The following NTN1 variants were observed in gnomAD, a reference collection of about 807,000 sequenced individuals.
NTN1 encodes the protein netrin 1, also known as netrin-1.
Under a neutral mutation model 54.2 loss-of-function variants are expected in NTN1, and 11 were observed. The observed-to-expected ratio is 0.20, with a 90% CI of 0.13 to 0.34. NTN1 has a LOEUF of 0.34. Ranked by LOEUF, NTN1 falls within the 10% of genes least tolerant of loss-of-function variation. The probability of loss-of-function intolerance (pLI) is 1.00; values close to 1 mark genes in which losing one functional copy is unlikely to be tolerated. For missense variants in NTN1, 740 were observed against 893.1 expected (o/e 0.83, Z 2.18); for synonymous variants, 371 against 382.0 (o/e 0.97, Z 0.33).
chr17:9,112,647 A>C (rs553596223), intron 2 of NTN1, among the ~76,000 whole-genome samples: 2 of 151,262 alleles, frequency 1.3e-5, no homozygotes, highest in Admixed American at 6.6e-5. Flanking sequence ...AACATGGTGA[A>C]ACCCCGTCTT....
chr17:9,071,576 A>G (rs1182187473), intron 2 of NTN1, among the ~76,000 whole-genome samples: 1 of 152,190 alleles, frequency 6.6e-6, no homozygotes, highest in Admixed American at 6.5e-5. Flanking sequence ...TGCCTGGTGG[A>G]AGCCAAAGGA....
intron 2 of NTN1, among the ~76,000 whole-genome samples, chr17:9,100,184 G>A (rs199513525): frequency 2.9e-5 from 1 of 35,020 alleles, no homozygotes; most frequent in Non-Finnish European, 5.8e-5. Flanking sequence ...GTGTATATGT[G>A]TGTATATATA....
At chr17:9,084,385 G>A (rs555240102) in intron 2 of NTN1, among the ~76,000 whole-genome samples, 1 of 152,334 alleles carries the variant, frequency 6.6e-6, no homozygotes, top group South Asian at 2.1e-4. Context: ...TAGTCATTGT[G>A]TGGGAGGGAA....
chr17:9,225,165 G>A (rs561384122), intron 6 of NTN1, among the ~76,000 whole-genome samples: 20 of 152,228 alleles, frequency 1.3e-4, no homozygotes, highest in African/African-American at 4.8e-4. Context: ...TGAGGCAGGA[G>A]AATTGTTTGA....
chr17:9,226,946 C>T (rs541018238), intron 6 of NTN1, among the ~76,000 whole-genome samples: 1 of 152,216 alleles, frequency 6.6e-6, no homozygotes, highest in South Asian at 2.1e-4. Flanking sequence ...AGCATCCCAG[C>T]CCCGCCCCCC....
chr17:9,158,248 G>A (rs920820903), intron 2 of NTN1, among the ~76,000 whole-genome samples: 4 of 152,178 alleles, frequency 2.6e-5, no homozygotes, highest in Admixed American at 6.5e-5. Context: ...TTTTGTTGGC[G>A]TAAGGTGCAT....
At chr17:9,119,006 A>G (rs1239455351) in intron 2 of NTN1, among the ~76,000 whole-genome samples, 1 of 152,184 alleles carries the variant, frequency 6.6e-6, no homozygotes, top group African/African-American at 2.4e-5. Flanking sequence ...GTATATGCCT[A>G]GAAGTGGAAT....
chr17:9,144,521 G>A (rs1408979954), intron 2 of NTN1, among the ~76,000 whole-genome samples: 1 of 152,198 alleles, frequency 6.6e-6, no homozygotes, highest in East Asian at 1.9e-4. Context: ...CCTCCAAGTT[G>A]TACTGAAGTT....
chr17:9,151,762 A>C (rs1377843342), intron 2 of NTN1, among the ~76,000 whole-genome samples: 3 of 152,144 alleles, frequency 2.0e-5, no homozygotes, highest in Non-Finnish European at 4.4e-5. Flanking sequence ...AGCCAGCTGG[A>C]CTTCCTGGGT....
intron 2 of NTN1, among the ~76,000 whole-genome samples, chr17:9,162,163 C>T (rs550068507): frequency 6.6e-6 from 1 of 152,140 alleles, no homozygotes; most frequent in African/African-American, 2.4e-5. Context: ...GTGGGAAGAA[C>T]GATGGTGTGC....
chr17:9,230,254 A>AG (rs1426056259), intron 6 of NTN1, among the ~76,000 whole-genome samples: 1 of 152,104 alleles, frequency 6.6e-6, no homozygotes, highest in Non-Finnish European at 1.5e-5. Context: ...CCCCAAGGTC[A>AG]GGGCCCCTGC....
At chr17:9,124,479 C>T (rs2092240074) in intron 2 of NTN1, among the ~76,000 whole-genome samples, 1 of 152,210 alleles carries the variant, frequency 6.6e-6, no homozygotes, top group Admixed American at 6.5e-5. Flanking sequence ...AGATGCTTGG[C>T]CACACCTTGT....
At chr17:9,006,979 G>A in the NTN1 span, among the ~76,000 whole-genome samples, 1 of 152,210 alleles carries the variant, frequency 6.6e-6, no homozygotes, top group Admixed American at 6.5e-5. Flanking sequence ...GCCTCACCAA[G>A]CCCCCTGGCC....
intron 4 of NTN1, among the ~76,000 whole-genome samples, chr17:9,182,326 C>T (rs1042732741): frequency 7.2e-5 from 11 of 152,242 alleles, no homozygotes; most frequent in Non-Finnish European, 1.5e-4. Context: ...CGATCACATG[C>T]TTTTATGAGG....
intron 5 of NTN1, among the ~76,000 whole-genome samples, chr17:9,199,897 G>A (rs543791087): frequency 6.6e-6 from 1 of 152,330 alleles, no homozygotes; most frequent in African/African-American, 2.4e-5. Context: ...GGTGAGCTTT[G>A]AGGAGCTTTG....
At chr17:9,054,375 C>T (rs561585006) in intron 2 of NTN1, among the ~76,000 whole-genome samples, 2 of 152,222 alleles carry the variant, frequency 1.3e-5, no homozygotes, top group African/African-American at 2.4e-5. Context: ...CTGCCCAGGT[C>T]GGCCCGACCT....
intron 2 of NTN1, among the ~76,000 whole-genome samples, chr17:9,080,951 T>A (rs1395131558): frequency 6.6e-6 from 1 of 152,210 alleles, no homozygotes; most frequent in East Asian, 1.9e-4. Context: ...ATATCCTTTA[T>A]AATTAACCGG....
intron 6 of NTN1, among the ~76,000 whole-genome samples, chr17:9,227,405 ACAC>A (rs1001615700): frequency 3.3e-5 from 5 of 150,768 alleles, no homozygotes; most frequent in South Asian, 4.2e-4. Flanking sequence ...ACAGGCACAC[ACAC>A]CACATGCACA....
rs149101902 is a variant in NTN1, at chr17:9,233,045, C to T, written c.1487-6595C>T. On this transcript the variant is annotated intron_variant, in intron 6 of 6. Coordinates refer to ENST00000173229, the MANE Select transcript of NTN1 (RefSeq NM_004822.3). ...GGTGACAAGCCTCCCCTAGCTGGAC[C>T]GGCCCAACAGGAAGGTATGGCTGTG... Among the ~76,000 whole-genome samples, 952 of 152,120 alleles carry T rather than the reference C, an allele frequency of 6.3e-3. 22 individuals are homozygous for T. The highest frequency in any genetic ancestry group is 0.021 in the African/African-American group (871 of 41,386).
Sources: gnomAD v4.1 joint callset for allele counts (sites outside exome capture counted in the v4.1 genomes callset) on GRCh38, gnomAD v4.1.1 for gene constraint, MANE v1.5 for transcripts, NCBI Gene and HGNC (gene_info 2026-07-23, HGNC 2026-07-21) for gene names.